The following FGF12 variants were observed in gnomAD, a reference collection of about 807,000 sequenced individuals.
FGF12 encodes the protein fibroblast growth factor 12B.
A neutral mutation model predicts 23.6 loss-of-function variants in FGF12; 14 were observed. The observed-to-expected ratio is 0.59, with a 90% CI of 0.39 to 0.93. FGF12 has a LOEUF of 0.93. FGF12 is among the 40% of genes least tolerant of loss of function. The probability of loss-of-function intolerance (pLI) is 0.00; values close to 1 mark genes in which losing one functional copy is unlikely to be tolerated. For synonymous variants in FGF12, 62 were observed against 77.3 expected, an observed-to-expected ratio of 0.80 and a Z score of 1.04; for missense variants, 175 against 217.8, an observed-to-expected ratio of 0.80 and a Z score of 1.24.
At chr3:192,532,099 T>C (rs1043306969) in intron 2 of FGF12, among the ~76,000 whole-genome samples, 8 of 152,212 alleles carry the variant, frequency 5.3e-5, no homozygotes, top group Admixed American at 4.6e-4. Flanking sequence ...TTCTGTTCCA[T>C]TGGTCTACAT....
chr3:192,611,664 C>T (rs1302891416), intron 2 of FGF12, among the ~76,000 whole-genome samples: 3 of 151,938 alleles, frequency 2.0e-5, no homozygotes, highest in African/African-American at 4.8e-5. Flanking sequence ...TTCTTAAGTA[C>T]TTCCCACGTA....
chr3:192,242,983 A>G (rs370498777), intron 4 of FGF12, among the ~76,000 whole-genome samples: 4 of 152,226 alleles, frequency 2.6e-5, no homozygotes, highest in East Asian at 3.9e-4. Context: ...TCCTTTATGT[A>G]TACAAATAAC....
intron 2 of FGF12, among the ~76,000 whole-genome samples, chr3:192,545,352 T>C (rs1725469603): frequency 6.6e-6 from 1 of 152,228 alleles, no homozygotes; most frequent in South Asian, 2.1e-4. Context: ...ACATGATAAA[T>C]GTTATCACAA....
intron 5 of FGF12, among the ~76,000 whole-genome samples, chr3:192,156,271 A>C (rs1714412639): frequency 6.6e-6 from 1 of 152,226 alleles, no homozygotes; most frequent in South Asian, 2.1e-4. Flanking sequence ...TTCCACAAAA[A>C]CTCAGATTCA....
chr3:192,207,045 A>C (rs2108672481), intron 4 of FGF12, among the ~76,000 whole-genome samples: 1 of 152,312 alleles, frequency 6.6e-6, no homozygotes, highest in South Asian at 2.1e-4. Flanking sequence ...ATTGGGAAAA[A>C]AATAACTAGG....
intron 2 of FGF12, among the ~76,000 whole-genome samples, chr3:192,632,442 T>C (rs999905553): frequency 4.5e-4 from 68 of 152,182 alleles, no homozygotes; most frequent in Non-Finnish European, 5.9e-5. Context: ...CTTACAAAAT[T>C]TTGTTGACAT....
intron 2 of FGF12, among the ~76,000 whole-genome samples, chr3:192,425,227 G>A (rs62294892): frequency 0.025 from 3,734 of 152,270 alleles, 75 homozygotes; most frequent in Middle Eastern, 0.051. Context: ...CTGTCTAGTG[G>A]ATGGACCTGA....
At chr3:192,716,625 ACAG>A (rs1718875380) in intron 2 of FGF12, among the ~76,000 whole-genome samples, 1 of 152,218 alleles carries the variant, frequency 6.6e-6, no homozygotes, top group South Asian at 2.1e-4. Context: ...CCAGCCCCAT[ACAG>A]AAGCAGAGGA....
intron 2 of FGF12, among the ~76,000 whole-genome samples, chr3:192,506,296 TAGCTGCTACAGAA>T (rs796418428): frequency 7.9e-5 from 12 of 152,376 alleles, no homozygotes; most frequent in African/African-American, 2.4e-4. Flanking sequence ...AGTGCCTGTT[TAGCTGCTACAGAA>T]AAACAAATAT....
chr3:192,314,435 T>G (rs992060129), intron 4 of FGF12, among the ~76,000 whole-genome samples: 1 of 152,178 alleles, frequency 6.6e-6, no homozygotes, highest in Non-Finnish European at 1.5e-5. Flanking sequence ...GCTTTCCTGA[T>G]AAAGGCACCA....
At chr3:192,144,218 C>A in intron 5 of FGF12, 91 bp from the exon 6 acceptor site, 1 of 715,086 alleles carries the variant, frequency 1.4e-6, no homozygotes, top group Non-Finnish European at 2.4e-6. Context: ...ATATTCTTCA[C>A]TCTCATCACA....
At chr3:192,653,329 A>C (rs1180038432) in intron 2 of FGF12, among the ~76,000 whole-genome samples, 1 of 152,174 alleles carries the variant, frequency 6.6e-6, no homozygotes, top group Non-Finnish European at 1.5e-5. Context: ...TCTTTAGAAT[A>C]ATCAAAAAAT....
chr3:192,627,860 G>A (rs893469518), intron 2 of FGF12, among the ~76,000 whole-genome samples: 3 of 151,896 alleles, frequency 2.0e-5, no homozygotes, highest in African/African-American at 7.3e-5. Context: ...GCATGTGTGT[G>A]TGTGTGTGTG....
intron 2 of FGF12, among the ~76,000 whole-genome samples, chr3:192,550,928 G>A (rs1711512496): frequency 6.6e-6 from 1 of 152,046 alleles, no homozygotes; most frequent in Non-Finnish European, 1.5e-5. Flanking sequence ...TCCTCTCCCT[G>A]GAACGCATGT....
At chr3:192,317,546 G>A (rs1283050977) in intron 4 of FGF12, among the ~76,000 whole-genome samples, 1 of 151,958 alleles carries the variant, frequency 6.6e-6, no homozygotes, top group Admixed American at 6.6e-5. Flanking sequence ...TTTGCAGCTT[G>A]GGTGCTAGCT....
At chr3:192,669,796 G>T (rs1251882634) in intron 2 of FGF12, among the ~76,000 whole-genome samples, 1 of 151,932 alleles carries the variant, frequency 6.6e-6, no homozygotes, top group Non-Finnish European at 1.5e-5. Context: ...TGATGACATT[G>T]TGTAATAAAC....
chr3:192,257,539 A>G (rs752332487), intron 4 of FGF12, among the ~76,000 whole-genome samples: 2 of 152,104 alleles, frequency 1.3e-5, no homozygotes, highest in African/African-American at 2.4e-5. Context: ...ATTTCTCCAT[A>G]TCTTCTCTTC....
intron 4 of FGF12, among the ~76,000 whole-genome samples, chr3:192,274,380 A>G (rs1306588339): frequency 6.6e-6 from 1 of 152,198 alleles, no homozygotes; most frequent in Non-Finnish European, 1.5e-5. Context: ...AATAACAGAG[A>G]AAGTACTTCA....
chr3:192,620,654 A>T (rs759417618), intron 2 of FGF12, among the ~76,000 whole-genome samples: 10 of 151,930 alleles, frequency 6.6e-5, no homozygotes, highest in Non-Finnish European at 1.3e-4. Flanking sequence ...CATTCACTAG[A>T]CTCACTCTTA....
Sources: allele counts gnomAD v4.1 joint callset (sites outside exome capture counted in the v4.1 genomes callset), GRCh38; gene constraint gnomAD v4.1.1; transcripts MANE v1.5; gene names NCBI Gene and HGNC (gene_info 2026-07-23, HGNC 2026-07-21).